TUBA3D: variants seen among roughly 807,000 people sequenced by gnomAD.
TUBA3D encodes tubulin alpha-3D chain.
A neutral mutation model predicts 36.1 loss-of-function variants in TUBA3D; 24 were observed. The observed-to-expected ratio is 0.66, with a 90% CI of 0.48 to 0.93. The LOEUF is 0.93. Ranked by LOEUF, TUBA3D falls within the 40% of genes least tolerant of loss-of-function variation. The pLI is 0.00. For missense variants in TUBA3D, 356 were observed against 614.5 expected, an observed-to-expected ratio of 0.58 and a Z score of 4.45; for synonymous variants, 185 against 247.2, an observed-to-expected ratio of 0.75 and a Z score of 2.36.
Position 131,482,537 on chromosome 2 carries a change from T to A in TUBA3D, c.1057-15T>A. On this transcript the variant is annotated splice_polypyrimidine_tract_variant and intron_variant, in intron 4 of 4. Coordinates refer to ENST00000321253, the MANE Select transcript of TUBA3D (RefSeq NM_080386.4). ...TATAAGCTTCATGGACTGCTTTCTT[T>A]CCCTTCTCTGGCAGGTGGGCATTAA... The A allele has an allele frequency of 6.3e-7, 1 of 1,593,540 alleles. No individual in the cohort carries two copies. Among genetic ancestry groups the A allele is most frequent in the Non-Finnish European group, 8.6e-7 (1 of 1,168,592 alleles).
rs745455041 is a variant in TUBA3D, at chr2:131,478,429, G to A, written c.226+43G>A. The stretch of plus-strand genomic sequence containing the variant: ...GGATGGCAGCTTTCCTGAGAGGGTG[G>A]GAGAGCATTGGTAAAGCCCCGTGTG... On this transcript the variant is annotated intron_variant, in intron 2 of 4. Coordinates refer to ENST00000321253, the MANE Select transcript of TUBA3D (RefSeq NM_080386.4). 25 of 1,543,986 alleles carry A rather than the reference G, an allele frequency of 1.6e-5. No homozygotes were observed. In the South Asian group the frequency reaches 2.8e-4, roughly 17 times the overall value.
chr2:131,482,442 T>A (rs1354674238), intron 4 of TUBA3D, 110 bp from the exon 5 acceptor site: 9 of 1,471,148 alleles, frequency 6.1e-6, no homozygotes, highest in Non-Finnish European at 7.3e-6. Flanking sequence ...TGAGGTGAAC[T>A]GAGCATTCTC....
chr2:131,477,585 A>G (rs1378881655), intron 1 of TUBA3D, among the ~76,000 whole-genome samples: 182 of 150,884 alleles, frequency 1.2e-3, no homozygotes, highest in African/African-American at 4.4e-3. Context: ...CCAGTATCCC[A>G]CTGCTGCCTG....
Position 131,482,773 on chromosome 2 carries a change from A to C in TUBA3D, c.1278A>C (p.Ala426=). 2.5e-6 allele frequency: 4 copies of C among 1,614,176 alleles called. No homozygotes were observed. Among genetic ancestry groups the C allele is most frequent in the Middle Eastern group, 3.3e-4 (2 of 6,062 alleles). ...TCTCTGAGGCCCGCGAGGACCTGGC[A>C]GCTCTAGAGAAGGATTATGAAGAGG... ...GEFSEAREDL[A]ALEKDYEEVG... The change falls in exon 5 of 5, where the codon GCA becomes GCC. Residue 426 remains alanine, a synonymous_variant. Coordinates refer to ENST00000321253, the MANE Select transcript of TUBA3D (RefSeq NM_080386.4).
rs70994779 is a variant in TUBA3D at position 131,481,435 on chromosome 2, A to ATT, written c.1056+703_1056+704dup. On this transcript the variant is annotated intron_variant, in intron 4 of 4. Transcript: ENST00000321253. The stretch of plus-strand genomic sequence containing the variant: ...AGACATGCAACACCATGCCCGGGTA[A>ATT]TTTTTTTTTTTTTTTTTTGAGACAG... Among the ~76,000 whole-genome samples, 213 of 129,242 alleles carry ATT rather than the reference A, an allele frequency of 1.6e-3. 6 individuals carry two copies. The highest frequency in any genetic ancestry group is 5.6e-3 in the African/African-American group (184 of 33,106). 84.8% of individuals were successfully genotyped at this position (129,242 alleles called of 152,430 possible).
At chr2:131,482,519 T>A (rs751430413) in intron 4 of TUBA3D, 33 bp from the exon 5 acceptor site, 1 of 1,581,398 alleles carries the variant, frequency 6.3e-7, no homozygotes, top group Non-Finnish European at 8.6e-7. Flanking sequence ...TGATATAAGC[T>A]TCATGGACTG....
rs534014250 is a variant in TUBA3D, at chr2:131,480,616, G to A, written c.923G>A (p.Arg308His). 18 of 1,613,394 alleles carry A rather than the reference G, an allele frequency of 1.1e-5. No individual in the cohort carries two copies. The highest frequency in any genetic ancestry group is 9.9e-5 in the South Asian group (9 of 91,064). Residue 308 changes from arginine (R) to histidine (H), a missense_variant, in exon 4 of 5, where the codon CGC (arginine) becomes CAC (histidine). Coordinates refer to ENST00000321253, the MANE Select transcript of TUBA3D (RefSeq NM_080386.4). ...AATCAAATGGTCAAGTGTGACCCTC[G>A]CCACGGCAAGTACATGGCCTGCTGC... ...PANQMVKCDP[R>H]HGKYMACCML...
At position 131,479,905 on chromosome 2, in the gene TUBA3D, C is replaced by T. The variant is rs150089870; in HGVS notation, c.376-164C>T. 1.2e-3 allele frequency among the ~76,000 whole-genome samples: 176 copies of T among 152,274 alleles called. 2 individuals carry two copies. Among genetic ancestry groups the T allele is most frequent in the East Asian group, 7.9e-3 (41 of 5,174 alleles). On this transcript the variant is annotated intron_variant, in intron 3 of 4. Coordinates refer to ENST00000321253, the MANE Select transcript of TUBA3D (RefSeq NM_080386.4). ...ACTGAGTCTGCAGTGGTGATTTGTCCGTAGATCTTTGCTTTTCTTTGCTTC... is the reference window on the plus strand; with the variant it reads ...ACTGAGTCTGCAGTGGTGATTTGTCTGTAGATCTTTGCTTTTCTTTGCTTC...
chr2:131,476,226 C>T (rs1486814925), intron 1 of TUBA3D, 24 bp downstream of exon 1: 4 of 1,613,898 alleles, frequency 2.5e-6, no homozygotes, highest in East Asian at 2.2e-5. Flanking sequence ...CACTCCCGCC[C>T]CGCAGATGCC....
intron 2 of TUBA3D, 83 bp downstream of exon 2, chr2:131,478,469 C>T: frequency 7.5e-7 from 1 of 1,339,968 alleles, no homozygotes; most frequent in Non-Finnish European, 1.0e-6. Context: ...CCTTTGAATC[C>T]TCCTGCTGAA....
rs755915508 is a variant in TUBA3D at position 131,480,190 on chromosome 2, A to C, written c.497A>C (p.Lys166Thr). 3 of 1,613,944 alleles carry C rather than the reference A, an allele frequency of 1.9e-6. No homozygotes were observed. The highest frequency in any genetic ancestry group is 2.5e-6 in the Non-Finnish European group (3 of 1,180,018). Residue 166 changes from lysine to threonine, a missense_variant, in exon 4 of 5, where the codon AAG (lysine) becomes ACG (threonine). Physicochemically the swap from Lys to Thr is moderately conservative, Grantham distance 78. This residue lies in a region of TUBA3D where 91 missense variants were observed against 240.9 expected (regional missense o/e 0.38). Coordinates refer to ENST00000321253, the MANE Select transcript of TUBA3D (RefSeq NM_080386.4). ...RLSVDYGKKS[K>T]LEFAIYPAPQ... ...TCAGTGGATTACGGCAAGAAGTCCA[A>C]GCTAGAGTTTGCCATTTACCCAGCC...
intron 1 of TUBA3D, among the ~76,000 whole-genome samples, chr2:131,476,585 A>G (rs71428588): frequency 2.4e-4 from 37 of 151,816 alleles, no homozygotes; most frequent in Admixed American, 5.2e-4. Context: ...GTGGACATTG[A>G]TCAGATGAGG....
rs762631194 is a variant in TUBA3D at position 131,478,189 on chromosome 2, G to A, written c.29G>A (p.Gly10Glu). 2.5e-6 allele frequency: 4 copies of A among 1,613,232 alleles called. No homozygotes were observed. The Admixed American group carries it at 6.7e-5, about 27-fold the overall frequency. The change falls in exon 2 of 5, where the codon GGG (glycine) becomes GAG (glutamate). Residue 10 changes from glycine (G) to glutamate (E), a missense_variant. By Grantham distance (98) the Gly-to-Glu change is moderately conservative. This residue lies in a region of TUBA3D where 109 missense variants were observed against 153.7 expected (regional missense o/e 0.71). Coordinates refer to ENST00000321253, the MANE Select transcript of TUBA3D (RefSeq NM_080386.4). MRECISIHV[G>E]QAGVQIGNAC... ...CGCGAGTGTATCTCTATCCACGTGG[G>A]GCAGGCGGGTGTCCAGATCGGCAAT...
In TUBA3D at chr2:131,480,082, C is replaced by T. The variant is rs764576040; in HGVS notation, c.389C>T (p.Thr130Ile). The change falls in exon 4 of 5, where the codon ACA (threonine) becomes ATA (isoleucine). Residue 130 changes from threonine (T) to isoleucine (I), a missense_variant. Thr to Ile is a moderately conservative substitution (Grantham distance 89). Coordinates refer to ENST00000321253, the MANE Select transcript of TUBA3D (RefSeq NM_080386.4). ...GGTTTCTCTCAGGCGGATCTGTGCA[C>T]AGGACTGCAGGGCTTCCTCATCTTC... ...DRIRKLADLC[T>I]GLQGFLIFHS... 1 of 1,598,792 alleles carries T rather than the reference C, an allele frequency of 6.3e-7. No homozygotes were observed. Among genetic ancestry groups the T allele is most frequent in the Non-Finnish European group, 8.5e-7 (1 of 1,172,692 alleles).
Position 131,482,664 on chromosome 2 carries a change from G to A in TUBA3D, c.1169G>A (p.Arg390His), listed in dbSNP as rs767236198. ...NTTAIAEAWA[R>H]LDHKFDLMYA... ...ACGGCCATTGCGGAGGCCTGGGCCC[G>A]CCTGGACCATAAGTTCGATCTCATG... Residue 390 changes from arginine (R) to histidine (H), a missense_variant, in exon 5 of 5, where the codon CGC (arginine) becomes CAC (histidine). Physicochemically the swap from Arg to His is conservative, Grantham distance 29. Around this residue, in one of 3 missense-constraint regions of TUBA3D, gnomAD observed 156 missense variants for 219.8 expected, o/e 0.71. Coordinates refer to ENST00000321253, the MANE Select transcript of TUBA3D (RefSeq NM_080386.4). The A allele has an allele frequency of 2.0e-5, 32 of 1,614,014 alleles. No individual in the cohort carries two copies. The highest frequency in any genetic ancestry group is 2.4e-5 in the Non-Finnish European group (28 of 1,180,016).
rs1433007288 is a variant in TUBA3D, at chr2:131,478,268, G to A, written c.108G>A (p.Met36Ile). ...LEHGIQPDGQMPSDKTIGGGD... is the reference protein window; with the variant it reads ...LEHGIQPDGQIPSDKTIGGGD... ...ATGGAATTCAGCCCGATGGCCAAAT[G>A]CCAAGTGATAAAACCATTGGTGGCG... The change falls in exon 2 of 5, where the codon ATG becomes ATA. Residue 36 changes from methionine to isoleucine, a missense_variant. Physicochemically the swap from Met to Ile is conservative, Grantham distance 10 (BLOSUM62 1). This residue lies in a region of TUBA3D where 109 missense variants were observed against 153.7 expected (regional missense o/e 0.71). Transcript: ENST00000321253. 1.2e-6 allele frequency: 2 copies of A among 1,613,940 alleles called. No homozygotes were observed. The highest frequency in any genetic ancestry group is 2.7e-5 in the African/African-American group (2 of 74,938).
rs779113770 is a variant in TUBA3D, at chr2:131,480,689, C to T, written c.996C>T (p.Ile332=). Residue 332 remains isoleucine, a synonymous_variant, in exon 4 of 5, where the codon ATC becomes ATT. Transcript: ENST00000321253. The stretch of plus-strand genomic sequence containing the variant: ...TCCCCAAAGACGTCAACGCGGCCAT[C>T]GCCACCATCAAGACCAAGCGCACCA... ...DVVPKDVNAA[I]ATIKTKRTIQ... The T allele has an allele frequency of 9.3e-6, 15 of 1,613,714 alleles. 1 individual carries two copies. The highest frequency in any genetic ancestry group is 1.2e-5 in the Non-Finnish European group (14 of 1,179,974).
At chr2:131,478,137 G>C in intron 1 of TUBA3D, 27 bp from the exon 2 acceptor site, 1 of 1,599,890 alleles carries the variant, frequency 6.3e-7, no homozygotes, top group Non-Finnish European at 8.6e-7. Context: ...GAAATGAATG[G>C]GTTCACTTTT....
rs746771460 is a variant in TUBA3D at position 131,476,174 on chromosome 2, G to C, written c.-26G>C. On this transcript the variant is annotated 5_prime_UTR_variant, in exon 1 of 5. Transcript: ENST00000321253. ...CAGCCGGTTGAGGTCTGGCAGTAGC[G>C]TTGGGCTGAAGCAGCGGAGTTCGCC... 2.5e-6 allele frequency: 4 copies of C among 1,613,862 alleles called. No homozygotes were observed. The highest frequency in any genetic ancestry group is 3.4e-6 in the Non-Finnish European group (4 of 1,179,954).
Sources: allele counts gnomAD v4.1 joint callset (sites outside exome capture counted in the v4.1 genomes callset), GRCh38; gene constraint gnomAD v4.1.1; regional missense constraint gnomAD v4.1.1; transcripts MANE v1.5; gene names NCBI Gene and HGNC (gene_info 2026-07-23, HGNC 2026-07-21).